Variants in ANKRD13C observed in about 807,000 individuals in gnomAD.
The protein encoded by ANKRD13C is ankyrin repeat domain-containing protein 13C.
A neutral mutation model predicts 65.5 loss-of-function variants in ANKRD13C; 16 were observed. That is an observed-to-expected ratio of 0.24 (90% CI 0.17 to 0.37). ANKRD13C has a LOEUF of 0.37. Among genes scored for constraint, ANKRD13C ranks in the 10% least tolerant of loss-of-function variants. The pLI, the probability that ANKRD13C is intolerant of heterozygous loss-of-function variation, is 1.00. For synonymous variants in ANKRD13C, 235 were observed against 238.7 expected, an observed-to-expected ratio of 0.98 and a Z score of 0.14; for missense variants, 503 against 655.9, an observed-to-expected ratio of 0.77 and a Z score of 2.55.
At chr1:70,298,073 T>C (rs1680172731) in intron 7 of ANKRD13C, among the ~76,000 whole-genome samples, 2 of 152,176 alleles carry the variant, frequency 1.3e-5, no homozygotes, top group South Asian at 4.1e-4. Flanking sequence ...GTAACCCAAA[T>C]TAATTCTGAA....
At chr1:70,321,934 T>C (rs1400515897) in intron 3 of ANKRD13C, among the ~76,000 whole-genome samples, 2 of 152,300 alleles carry the variant, frequency 1.3e-5, no homozygotes, top group Admixed American at 6.5e-5. Context: ...TATTAGATTA[T>C]CTCTGATTTT....
intron 3 of ANKRD13C, among the ~76,000 whole-genome samples, chr1:70,322,661 C>T (rs1018137467): frequency 5.3e-5 from 8 of 152,150 alleles, no homozygotes; most frequent in African/African-American, 1.9e-4. Flanking sequence ...CACACACATG[C>T]TTTATAGTAA....
Position 70,354,485 on chromosome 1 carries a change from C to T in ANKRD13C, c.-77G>A, listed in dbSNP as rs1323625003. 2.7e-6 allele frequency: 4 copies of T among 1,501,770 alleles called. No homozygotes were observed. Among genetic ancestry groups the T allele is most frequent in the African/African-American group, 2.8e-5 (2 of 72,234 alleles). The allele number at this position is 1,501,770 out of a possible 1,614,324, so 93.0% of individuals were successfully genotyped here. On this transcript the variant is annotated 5_prime_UTR_variant, in exon 1 of 13. Transcript: ENST00000370944. ...GAGCTGGCGCTGCGGCGGCACAAGG[C>T]GATTAGAGCGGTGGCCAAGAGCCTC...
chr1:70,282,783 C>T (rs1169863471), intron 9 of ANKRD13C, among the ~76,000 whole-genome samples: 1 of 152,140 alleles, frequency 6.6e-6, no homozygotes, highest in Non-Finnish European at 1.5e-5. Flanking sequence ...CCGCTGGAAA[C>T]GTTTAAGATT....
At chr1:70,274,887 G>A in intron 10 of ANKRD13C, 69 bp from the exon 11 acceptor site, 1 of 944,820 alleles carries the variant, frequency 1.1e-6, no homozygotes, top group Non-Finnish European at 1.7e-6. Context: ...AGAAGCATCT[G>A]TCATCTTTCA....
Position 70,328,161 on chromosome 1 carries a change from ATGTT to A in ANKRD13C, c.473-3208_473-3205del, listed in dbSNP as rs534942567. 1.2e-4 allele frequency among the ~76,000 whole-genome samples: 19 copies of A among 152,290 alleles called. No homozygotes were observed. The East Asian group carries it at 1.3e-3, about 11-fold the overall frequency. ...TTGAGTCTATATGGAAAGCATTTGAATGTTTGTTGTGATAATCTTTCAATTTTGG... is the reference window on the plus strand; with the variant it reads ...TTGAGTCTATATGGAAAGCATTTGAATGTTGTGATAATCTTTCAATTTTGG... On this transcript the variant is annotated intron_variant, in intron 2 of 12. Transcript: ENST00000370944.
intron 2 of ANKRD13C, among the ~76,000 whole-genome samples, chr1:70,335,832 A>G (rs1409517866): frequency 6.6e-6 from 1 of 151,660 alleles, no homozygotes; most frequent in Non-Finnish European, 1.5e-5. Context: ...GAAAAAAAAC[A>G]TAGTTTCAAA....
In ANKRD13C at chr1:70,354,095, G is replaced by A; in HGVS notation, c.314C>T (p.Ala105Val). The A allele has an allele frequency of 6.2e-7, 1 of 1,612,394 alleles. No individual in the cohort carries two copies. The highest frequency in any genetic ancestry group is 1.1e-5 in the South Asian group (1 of 90,932). Residue 105 changes from alanine to valine, a missense_variant, in exon 1 of 13, where the codon GCG (alanine) becomes GTG (valine). Coordinates refer to ENST00000370944, the MANE Select transcript of ANKRD13C (RefSeq NM_030816.5). The stretch of plus-strand genomic sequence containing the variant: ...GTGTGCGGGGCAACTGCCTCCATCC[G>A]CGACGACAGCAACGGGGTTGGTGCC... The part of the protein sequence containing the change: ...LAGTNPVAVV[A>V]DGGSCPAHYP...
chr1:70,278,497 G>A (rs1384643381), intron 9 of ANKRD13C, among the ~76,000 whole-genome samples: 2 of 151,702 alleles, frequency 1.3e-5, no homozygotes, highest in African/African-American at 4.8e-5. Flanking sequence ...CTCCAGCCTG[G>A]GAAACAGAGC....
chr1:70,329,557 T>C (rs2101561992), intron 2 of ANKRD13C, among the ~76,000 whole-genome samples: 1 of 151,738 alleles, frequency 6.6e-6, no homozygotes, highest in South Asian at 2.1e-4. Context: ...AAAGATACTA[T>C]AAAAATATTA....
chr1:70,287,173 C>A (rs1679659813), intron 9 of ANKRD13C, among the ~76,000 whole-genome samples: 1 of 151,142 alleles, frequency 6.6e-6, no homozygotes, highest in African/African-American at 2.4e-5. Context: ...AGATTTATAC[C>A]CTGAACACTT....
At chr1:70,316,318 T>C (rs761861723) in intron 3 of ANKRD13C, among the ~76,000 whole-genome samples, 1 of 152,176 alleles carries the variant, frequency 6.6e-6, no homozygotes. Context: ...CACTTAGTGG[T>C]TGTGGGTAAA....
chr1:70,316,822 G>A (rs2101484221), intron 3 of ANKRD13C, among the ~76,000 whole-genome samples: 1 of 152,096 alleles, frequency 6.6e-6, no homozygotes, highest in South Asian at 2.1e-4. Context: ...GAAAAAATAA[G>A]AACATGGAAA....
At chr1:70,271,926 T>C (rs1402897945) in intron 11 of ANKRD13C, among the ~76,000 whole-genome samples, 1 of 152,232 alleles carries the variant, frequency 6.6e-6, no homozygotes, top group Admixed American at 6.5e-5. Flanking sequence ...TTCTTTAATC[T>C]CTTCTACTGA....
At chr1:70,282,571 CAAAT>C (rs1330646020) in intron 9 of ANKRD13C, among the ~76,000 whole-genome samples, 1 of 152,118 alleles carries the variant, frequency 6.6e-6, no homozygotes, top group Non-Finnish European at 1.5e-5. Context: ...TAACCAATAC[CAAAT>C]TCCAAATTTA....
chr1:70,323,316 G>A (rs1681389400), intron 3 of ANKRD13C, among the ~76,000 whole-genome samples: 1 of 152,096 alleles, frequency 6.6e-6, no homozygotes, highest in Non-Finnish European at 1.5e-5. Context: ...TTTTATCTCA[G>A]TAAATCTTAG....
intron 9 of ANKRD13C, among the ~76,000 whole-genome samples, chr1:70,283,538 CG>C (rs1487580643): frequency 6.6e-6 from 1 of 151,758 alleles, no homozygotes; most frequent in Non-Finnish European, 1.5e-5. Context: ...AAATCCATGC[CG>C]GGTGCGGTGG....
intron 2 of ANKRD13C, 49 bp downstream of exon 2, chr1:70,336,005 AACTG>A: frequency 1.8e-6 from 1 of 562,142 alleles, no homozygotes; most frequent in Non-Finnish European, 2.8e-6. Context: ...AAAAATTTTA[AACTG>A]ACTATATATA....
At chr1:70,289,727 C>T (rs1004118480) in intron 9 of ANKRD13C, among the ~76,000 whole-genome samples, 14 of 151,910 alleles carry the variant, frequency 9.2e-5, no homozygotes, top group African/African-American at 2.9e-4. Flanking sequence ...CCACCCACCT[C>T]GGCTTCCCAA....
Sources: gnomAD v4.1 joint callset for allele counts (sites outside exome capture counted in the v4.1 genomes callset) on GRCh38, gnomAD v4.1.1 for gene constraint, MANE v1.5 for transcripts, NCBI Gene and HGNC (gene_info 2026-07-23, HGNC 2026-07-21) for gene names.